PARD3: variants seen among roughly 807,000 people sequenced by gnomAD.
The protein encoded by PARD3 is par-3 family cell polarity regulator, also known as partitioning defective 3 homolog.
A neutral mutation model predicts 155.4 loss-of-function variants in PARD3; 75 were observed. That is an observed-to-expected ratio of 0.48 (90% CI 0.40 to 0.58). The LOEUF is 0.58. Ranked by LOEUF, PARD3 falls within the 20% of genes least tolerant of loss-of-function variation. PARD3 has a pLI of 0.00. For missense variants in PARD3, 1,642 were observed against 1,721.7 expected (o/e 0.95, Z 0.82); for synonymous variants, 576 against 610.5 (o/e 0.94, Z 0.83).
At chr10:34,269,634 C>T (rs1199641089) in intron 22 of PARD3, 23 bp downstream of exon 22, 1 of 1,609,166 alleles carries the variant, frequency 6.2e-7, no homozygotes, top group Admixed American at 1.7e-5. Flanking sequence ...GGAAGCAATA[C>T]CACGATTGCC....
intron 15 of PARD3, among the ~76,000 whole-genome samples, chr10:34,342,733 G>A (rs937523678): frequency 1.2e-4 from 18 of 152,082 alleles, no homozygotes; most frequent in African/African-American, 4.3e-4. Flanking sequence ...CAGCAAAGGA[G>A]AAAAATTTAT....
intron 2 of PARD3, among the ~76,000 whole-genome samples, chr10:34,683,918 T>A (rs1401847800): frequency 6.6e-6 from 1 of 152,240 alleles, no homozygotes; most frequent in Non-Finnish European, 1.5e-5. Context: ...AAGTCATCTT[T>A]CTGAATTAAT....
At chr10:34,591,821 G>C (rs1036495910) in intron 2 of PARD3, among the ~76,000 whole-genome samples, 1 of 152,144 alleles carries the variant, frequency 6.6e-6, no homozygotes, top group Non-Finnish European at 1.5e-5. Context: ...AGGAGTTTCT[G>C]TACTCATTGT....
chr10:34,254,684 C>T (rs1414522102), intron 22 of PARD3, among the ~76,000 whole-genome samples: 2 of 152,002 alleles, frequency 1.3e-5, no homozygotes, highest in African/African-American at 2.4e-5. Context: ...CCTTAGCATC[C>T]TATTTAATTC....
intron 21 of PARD3, among the ~76,000 whole-genome samples, chr10:34,279,399 A>C (rs573351945): frequency 2.6e-5 from 4 of 152,150 alleles, no homozygotes; most frequent in Non-Finnish European, 4.4e-5. Flanking sequence ...GTGCAATGAA[A>C]ATTTTTTTAA....
intron 22 of PARD3, among the ~76,000 whole-genome samples, chr10:34,268,767 G>A (rs1255399468): frequency 1.3e-5 from 2 of 152,042 alleles, no homozygotes; most frequent in Non-Finnish European, 2.9e-5. Flanking sequence ...ATCACACACC[G>A]GGGCCTGTCA....
At chr10:34,615,812 T>C (rs1166728410) in intron 2 of PARD3, among the ~76,000 whole-genome samples, 2 of 152,012 alleles carry the variant, frequency 1.3e-5, no homozygotes, top group Non-Finnish European at 2.9e-5. Flanking sequence ...AAAGAAGACA[T>C]ACAAATGGCC....
At chr10:34,123,866 G>A (rs908160679) in intron 23 of PARD3, among the ~76,000 whole-genome samples, 2 of 152,130 alleles carry the variant, frequency 1.3e-5, no homozygotes, top group Non-Finnish European at 2.9e-5. Flanking sequence ...GAACAAACAT[G>A]AATATCCACA....
intron 22 of PARD3, among the ~76,000 whole-genome samples, chr10:34,137,441 G>A (rs989956822): frequency 1.3e-5 from 2 of 152,162 alleles, no homozygotes; most frequent in African/African-American, 4.8e-5. Flanking sequence ...CACCCCGAGG[G>A]AGACCCTGAG....
chr10:34,250,364 C>G (rs976374452), intron 22 of PARD3, among the ~76,000 whole-genome samples: 2 of 152,150 alleles, frequency 1.3e-5, no homozygotes, highest in Non-Finnish European at 2.9e-5. Flanking sequence ...CAGAAGGAGT[C>G]TGCAAATCAG....
chr10:34,292,972 G>T, intron 20 of PARD3, among the ~76,000 whole-genome samples: 1 of 151,948 alleles, frequency 6.6e-6, no homozygotes, highest in East Asian at 1.9e-4. Flanking sequence ...ATGAGGAATT[G>T]GAAATAGGGG....
chr10:34,768,321 A>G (rs1280841828), intron 1 of PARD3, among the ~76,000 whole-genome samples: 2 of 118,830 alleles, frequency 1.7e-5, no homozygotes, highest in Non-Finnish European at 3.6e-5. Context: ...AATATATGTA[A>G]GATGAACATT....
chr10:34,395,300 G>C (rs1448768832), intron 7 of PARD3, among the ~76,000 whole-genome samples: 1 of 152,096 alleles, frequency 6.6e-6, no homozygotes, highest in Non-Finnish European at 1.5e-5. Context: ...CTCCCAAAGT[G>C]CTAGGATTAC....
At chr10:34,480,465 T>C (rs1326268589) in intron 3 of PARD3, among the ~76,000 whole-genome samples, 1 of 152,194 alleles carries the variant, frequency 6.6e-6, no homozygotes, top group Non-Finnish European at 1.5e-5. Flanking sequence ...CACAAACTCC[T>C]GGCCTCAAAG....
intron 2 of PARD3, among the ~76,000 whole-genome samples, chr10:34,679,181 T>G (rs1466436995): frequency 6.6e-6 from 1 of 151,896 alleles, no homozygotes; most frequent in African/African-American, 2.4e-5. Flanking sequence ...AGGTGGAAAA[T>G]AGGGGAACAC....
intron 2 of PARD3, among the ~76,000 whole-genome samples, chr10:34,526,080 CAAAAAAA>C (rs765686445): frequency 9.3e-4 from 48 of 51,828 alleles, no homozygotes; most frequent in Non-Finnish European, 1.2e-3. Flanking sequence ...GACTCCGTAT[CAAAAAAA>C]AAAAAAAAAA....
Position 34,635,034 on chromosome 10 carries a change from C to G in PARD3, c.222+61284G>C, listed in dbSNP as rs569162715. Among the ~76,000 whole-genome samples, 3 of 152,262 alleles carry G rather than the reference C, an allele frequency of 2.0e-5. No individual in the cohort carries two copies. In the South Asian group the frequency reaches 6.2e-4, roughly 32 times the overall value. On this transcript the variant is annotated intron_variant, in intron 2 of 24. Coordinates refer to ENST00000374788, the MANE Select transcript of PARD3 (RefSeq NM_001184785.2). ...ATAGTCACTGTGTTTCAGAGCACAC[C>G]CAGATGGCATCACGATGGCTCCACT... is the stretch of plus-strand genomic sequence containing the variant.
At chr10:34,522,476 A>G (rs1176132455) in intron 2 of PARD3, among the ~76,000 whole-genome samples, 1 of 152,216 alleles carries the variant, frequency 6.6e-6, no homozygotes, top group African/African-American at 2.4e-5. Flanking sequence ...TAAAGAGATA[A>G]GGTATACAAC....
At chr10:34,606,952 A>G (rs1204392382) in intron 2 of PARD3, among the ~76,000 whole-genome samples, 2 of 138,874 alleles carry the variant, frequency 1.4e-5, no homozygotes, top group African/African-American at 5.4e-5. Context: ...GGTGACAGAG[A>G]GAGACTCTGT....
Sources: gnomAD v4.1 joint callset for allele counts (sites outside exome capture counted in the v4.1 genomes callset) on GRCh38, gnomAD v4.1.1 for gene constraint, MANE v1.5 for transcripts, NCBI Gene and HGNC (gene_info 2026-07-23, HGNC 2026-07-21) for gene names.